Variants in DGKB observed in about 807,000 individuals in gnomAD.
The protein encoded by DGKB is diacylglycerol kinase beta, also known as 90 kDa diacylglycerol kinase.
Under a neutral mutation model 114.3 loss-of-function variants are expected in DGKB, and 67 were observed. That is an observed-to-expected ratio of 0.59 (90% CI 0.48 to 0.72). The LOEUF (loss-of-function observed/expected upper bound fraction) is 0.72. Among genes scored for constraint, DGKB ranks in the 30% least tolerant of loss-of-function variants. DGKB has a pLI of 0.00. For missense variants in DGKB, 907 were observed against 975.2 expected, an observed-to-expected ratio of 0.93 and a Z score of 0.93; for synonymous variants, 398 against 323.1, an observed-to-expected ratio of 1.23 and a Z score of -2.49.
chr7:14,803,522 C>T (rs904700884), intron 2 of DGKB, among the ~76,000 whole-genome samples: 1 of 152,130 alleles, frequency 6.6e-6, no homozygotes, highest in Admixed American at 6.6e-5. Context: ...GTATGTTTCT[C>T]ATTTGTAAAT....
At chr7:14,835,812 C>T (rs1443093636) in intron 2 of DGKB, among the ~76,000 whole-genome samples, 2 of 152,156 alleles carry the variant, frequency 1.3e-5, no homozygotes, top group Admixed American at 6.5e-5. Flanking sequence ...TCATGAAAAA[C>T]ATAAACAAAT....
intron 12 of DGKB, among the ~76,000 whole-genome samples, chr7:14,681,359 A>G (rs76139585): frequency 0.018 from 2,690 of 152,156 alleles, 37 homozygotes; most frequent in South Asian, 0.028. Context: ...TTTAAAGGAA[A>G]GTACTTAATT....
intron 23 of DGKB, among the ~76,000 whole-genome samples, chr7:14,320,755 G>A (rs1807620184): frequency 6.6e-6 from 1 of 151,946 alleles, no homozygotes; most frequent in African/African-American, 2.4e-5. Context: ...AGATAAAGTA[G>A]TTAGAGCCAT....
intron 25 of DGKB, among the ~76,000 whole-genome samples, chr7:14,172,014 T>C (rs998188728): frequency 6.6e-6 from 1 of 152,152 alleles, no homozygotes; most frequent in Non-Finnish European, 1.5e-5. Context: ...GCTGAGCTTT[T>C]AGGCTATTTG....
intron 21 of DGKB, among the ~76,000 whole-genome samples, chr7:14,346,461 T>G (rs995201585): frequency 1.3e-5 from 2 of 151,932 alleles, no homozygotes; most frequent in African/African-American, 4.8e-5. Context: ...TCACAAGGTT[T>G]TATTTGCTTA....
chr7:14,680,125 A>T (rs1170088935), intron 12 of DGKB, among the ~76,000 whole-genome samples: 1 of 151,948 alleles, frequency 6.6e-6, no homozygotes, highest in Non-Finnish European at 1.5e-5. Flanking sequence ...GTTTAGTAAG[A>T]GGGCAGCCTT....
In DGKB at chr7:14,718,630, A is replaced by C; in HGVS notation, c.378T>G (p.Asn126Lys). ...GATGGATTACTTCTGGGGAACACGTATTTGCAGGAGAAGTAGTCCGGGGAG... is the reference window on the plus strand; with the variant it reads ...GATGGATTACTTCTGGGGAACACGTCTTTGCAGGAGAAGTAGTCCGGGGAG... The part of the protein sequence containing the change: ...ITPPRTTSPA[N>K]TCSPEVIHLK... Residue 126 changes from asparagine (N) to lysine (K), a missense_variant, in exon 6 of 26, where the codon AAT becomes AAG. Asn to Lys is a moderately conservative substitution (Grantham distance 94). This residue lies in a region of DGKB where 814 missense variants were observed against 856.6 expected (regional missense o/e 0.95). Coordinates refer to ENST00000402815, the MANE Select transcript of DGKB (RefSeq NM_001350709.2). 6.2e-7 allele frequency: 1 copy of C among 1,612,356 alleles called. No homozygotes were observed. Among genetic ancestry groups the C allele is most frequent in the East Asian group, 2.2e-5 (1 of 44,788 alleles).
chr7:14,695,494 CTT>C (rs1173622205), intron 8 of DGKB, among the ~76,000 whole-genome samples: 1 of 75,154 alleles, frequency 1.3e-5, no homozygotes, highest in African/African-American at 5.9e-5. Flanking sequence ...CTCTCTCTCT[CTT>C]TTTTTTTTTT....
At position 14,522,541 on chromosome 7, in the gene DGKB, C is replaced by T. The variant is rs9691428; in HGVS notation, c.1771-44316G>A. On this transcript the variant is annotated intron_variant, in intron 20 of 25. Transcript: ENST00000402815. ...TAAACTGGTGATACTCCAAATCAAA[C>T]GAGCCCTTTCGGCAGTGGCAGCAAG... Among the ~76,000 whole-genome samples, 1,450 of 152,254 alleles carry T rather than the reference C, an allele frequency of 9.5e-3. 23 individuals are homozygous for T. Among genetic ancestry groups the T allele is most frequent in the African/African-American group, 0.032 (1,314 of 41,544 alleles).
chr7:14,558,310 A>G (rs190062720), intron 20 of DGKB, among the ~76,000 whole-genome samples: 1 of 151,970 alleles, frequency 6.6e-6, no homozygotes, highest in Non-Finnish European at 1.5e-5. Flanking sequence ...TTTTTGTTCT[A>G]GAAATGAAAG....
At chr7:14,476,389 A>G (rs917751532) in intron 21 of DGKB, among the ~76,000 whole-genome samples, 48 of 152,136 alleles carry the variant, frequency 3.2e-4, no homozygotes, top group African/African-American at 1.1e-3. Flanking sequence ...AAAAATGTCT[A>G]TTCTAGGTAC....
intron 2 of DGKB, among the ~76,000 whole-genome samples, chr7:14,821,984 G>T: frequency 6.6e-6 from 1 of 152,238 alleles, no homozygotes; most frequent in African/African-American, 2.4e-5. Context: ...ATGCATTAAG[G>T]TTGAGTCATA....
chr7:14,532,610 A>T (rs1332871971), intron 20 of DGKB, among the ~76,000 whole-genome samples: 1 of 151,628 alleles, frequency 6.6e-6, no homozygotes, highest in Non-Finnish European at 1.5e-5. Flanking sequence ...ATGTATATAC[A>T]TATAGCAATA....
At chr7:14,889,699 C>T (rs1273110465) in intron 1 of DGKB, among the ~76,000 whole-genome samples, 2 of 151,394 alleles carry the variant, frequency 1.3e-5, no homozygotes, top group African/African-American at 4.8e-5. Context: ...AATCTCTAAG[C>T]AATCTAAAGT....
intron 21 of DGKB, among the ~76,000 whole-genome samples, chr7:14,416,237 T>C (rs947600427): frequency 2.6e-5 from 4 of 152,116 alleles, no homozygotes; most frequent in African/African-American, 4.8e-5. Context: ...TATTTTTATA[T>C]AGGGTTTAGC....
chr7:14,658,175 T>G (rs1401599041), intron 13 of DGKB, among the ~76,000 whole-genome samples: 1 of 151,892 alleles, frequency 6.6e-6, no homozygotes, highest in Non-Finnish European at 1.5e-5. Context: ...ATACGTAGAT[T>G]GCTGCTTCAG....
intron 23 of DGKB, among the ~76,000 whole-genome samples, chr7:14,246,037 T>A (rs980112551): frequency 6.6e-6 from 1 of 152,176 alleles, no homozygotes; most frequent in African/African-American, 2.4e-5. Context: ...AAGTTGCACA[T>A]AGGAATTGGC....
At chr7:14,766,597 A>G (rs1048843328) in intron 2 of DGKB, among the ~76,000 whole-genome samples, 1 of 151,900 alleles carries the variant, frequency 6.6e-6, no homozygotes, top group African/African-American at 2.4e-5. Flanking sequence ...AGCCATTAGG[A>G]AAGCAATTAT....
chr7:14,818,297 G>A (rs1844445824), intron 2 of DGKB, among the ~76,000 whole-genome samples: 1 of 152,108 alleles, frequency 6.6e-6, no homozygotes. Context: ...CTAAGTCAAG[G>A]GAGGTCGAAT....
Sources: gnomAD v4.1 joint callset for allele counts (sites outside exome capture counted in the v4.1 genomes callset) on GRCh38, gnomAD v4.1.1 for gene constraint, gnomAD v4.1.1 regional missense constraint, MANE v1.5 for transcripts, NCBI Gene and HGNC (gene_info 2026-07-23, HGNC 2026-07-21) for gene names.